CLYBL: variants seen among roughly 807,000 people sequenced by gnomAD.
The protein encoded by CLYBL is citramalyl-CoA lyase, mitochondrial.
A neutral mutation model predicts 38.9 loss-of-function variants in CLYBL; 31 were observed. The observed-to-expected ratio is 0.80, with a 90% CI of 0.60 to 1.08. The LOEUF is 1.08. Ranked by LOEUF, CLYBL falls within the 50% of genes least tolerant of loss-of-function variation. The pLI, the probability that CLYBL is intolerant of heterozygous loss-of-function variation, is 0.00. For missense variants in CLYBL, 434 were observed against 411.6 expected, an observed-to-expected ratio of 1.05 and a Z score of -0.47; for synonymous variants, 171 against 158.6, an observed-to-expected ratio of 1.08 and a Z score of -0.59.
chr13:99,866,530 T>C, intron 6 of CLYBL, 123 bp downstream of exon 6: 1 of 765,026 alleles, frequency 1.3e-6, no homozygotes, highest in East Asian at 2.9e-5. Context: ...CTATTTGAAA[T>C]ATGAGCAAGT....
chr13:99,872,578 C>A (rs1014687474), intron 7 of CLYBL, among the ~76,000 whole-genome samples: 1 of 152,162 alleles, frequency 6.6e-6, no homozygotes, highest in Non-Finnish European at 1.5e-5. Context: ...ACAGGCATGT[C>A]ATAAACACCT....
At chr13:99,688,924 G>A (rs1341399) in intron 1 of CLYBL, among the ~76,000 whole-genome samples, 117,043 of 152,148 alleles carry the variant, frequency 0.77, 45,346 homozygotes, top group Middle Eastern at 0.83. Context: ...ACTCAGCACC[G>A]TCATTCATCC....
At chr13:99,758,061 T>A (rs1566314810) in intron 1 of CLYBL, among the ~76,000 whole-genome samples, 1 of 152,178 alleles carries the variant, frequency 6.6e-6, no homozygotes, top group Admixed American at 6.5e-5. Context: ...CAGCAACAGC[T>A]CACTTAAGTG....
downstream of CLYBL, among the ~76,000 whole-genome samples, chr13:99,898,400 C>T (rs958434933): frequency 1.3e-5 from 2 of 152,156 alleles, no homozygotes; most frequent in African/African-American, 4.8e-5. Flanking sequence ...AAAGGAAGAA[C>T]GTAAAAACCA....
chr13:99,755,138 C>T (rs2049038945), intron 1 of CLYBL, among the ~76,000 whole-genome samples: 1 of 152,084 alleles, frequency 6.6e-6, no homozygotes, highest in Non-Finnish European at 1.5e-5. Context: ...ACCTCGTGAT[C>T]CGCCCGCCTC....
At chr13:99,904,766 GAAGGCA>G (rs1217378756) in intron 8 of CLYBL, among the ~76,000 whole-genome samples, 1 of 152,196 alleles carries the variant, frequency 6.6e-6, no homozygotes, top group African/African-American at 2.4e-5. Context: ...TTATGAAAAT[GAAGGCA>G]AAGACGTCAA....
intron 1 of CLYBL, among the ~76,000 whole-genome samples, chr13:99,668,300 C>G (rs367599377): frequency 2.1e-5 from 3 of 146,012 alleles, no homozygotes; most frequent in Non-Finnish European, 3.0e-5. Context: ...TAATAGAACA[C>G]TGGCGGCCGG....
intron 1 of CLYBL, among the ~76,000 whole-genome samples, chr13:99,750,399 G>C (rs1161192009): frequency 6.6e-6 from 1 of 152,144 alleles, no homozygotes; most frequent in East Asian, 1.9e-4. Context: ...GAAATTTACT[G>C]ATGGCCAGGC....
intron 1 of CLYBL, among the ~76,000 whole-genome samples, chr13:99,610,220 A>G (rs1811842007): frequency 6.6e-6 from 1 of 152,222 alleles, no homozygotes; most frequent in Admixed American, 6.5e-5. Flanking sequence ...TTCTTTATGC[A>G]TAGTTTCCTT....
intron 2 of CLYBL, among the ~76,000 whole-genome samples, chr13:99,777,836 C>T (rs1044022040): frequency 5.3e-5 from 8 of 152,142 alleles, no homozygotes; most frequent in African/African-American, 1.4e-4. Flanking sequence ...CATACCTTAT[C>T]CCATTTACAT....
intron 2 of CLYBL, among the ~76,000 whole-genome samples, chr13:99,809,921 G>A (rs191136366): frequency 3.7e-4 from 57 of 152,342 alleles, no homozygotes; most frequent in Middle Eastern, 6.8e-3. Context: ...CCAGGGAATG[G>A]GGACATCAGC....
intron 2 of CLYBL, among the ~76,000 whole-genome samples, chr13:99,829,536 G>GT (rs368835869): frequency 6.9e-4 from 105 of 152,212 alleles, no homozygotes; most frequent in African/African-American, 2.4e-3. Context: ...AAGCAGGGTT[G>GT]TTGTTGTTGT....
intron 2 of CLYBL, among the ~76,000 whole-genome samples, chr13:99,845,813 A>G (rs2051190585): frequency 6.6e-6 from 1 of 152,086 alleles, no homozygotes; most frequent in Non-Finnish European, 1.5e-5. Flanking sequence ...TGCCTTTTTT[A>G]AAAAATTAAG....
intron 1 of CLYBL, among the ~76,000 whole-genome samples, chr13:99,745,899 A>AG (rs2048842046): frequency 6.6e-6 from 1 of 151,518 alleles, no homozygotes; most frequent in African/African-American, 2.4e-5. Flanking sequence ...AAAAAAAAAA[A>AG]GTCAAAATTC....
chr13:99,612,977 T>C lies in CLYBL; in HGVS notation c.62+6220T>C, dbSNP rs1452104027. On this transcript the variant is annotated intron_variant, in intron 1 of 8. Transcript: ENST00000339105. ...TTTCAGTGAGCTGTGATGATACCAC[T>C]GCACTCCAGCCTGGGTGACAGAGCA... 2.0e-5 allele frequency among the ~76,000 whole-genome samples: 3 copies of C among 151,610 alleles called. No individual in the cohort carries two copies. In the East Asian group the frequency reaches 5.8e-4, roughly 29 times the overall value.
intron 1 of CLYBL, among the ~76,000 whole-genome samples, chr13:99,626,461 G>A (rs2046871126): frequency 6.6e-6 from 1 of 152,190 alleles, no homozygotes; most frequent in Non-Finnish European, 1.5e-5. Flanking sequence ...CATCAAGTTA[G>A]CCTTTCAGTC....
downstream of CLYBL, among the ~76,000 whole-genome samples, chr13:99,899,657 C>T (rs1301047511): frequency 2.0e-5 from 3 of 152,034 alleles, no homozygotes; most frequent in Non-Finnish European, 4.4e-5. Context: ...AATTGTAAAT[C>T]TTGTTTCTTA....
chr13:99,836,889 G>C (rs974955510), intron 2 of CLYBL, among the ~76,000 whole-genome samples: 1 of 151,970 alleles, frequency 6.6e-6, no homozygotes, highest in Non-Finnish European at 1.5e-5. Flanking sequence ...GGGGACTGTT[G>C]TGGGGTGGGG....
chr13:99,714,916 T>G (rs1284986050), intron 1 of CLYBL, among the ~76,000 whole-genome samples: 4 of 152,046 alleles, frequency 2.6e-5, no homozygotes, highest in African/African-American at 9.7e-5. Flanking sequence ...ACCACTATAC[T>G]CTAGCCTGGG....
Sources: gnomAD v4.1 joint callset for allele counts (sites outside exome capture counted in the v4.1 genomes callset) on GRCh38, gnomAD v4.1.1 for gene constraint, MANE v1.5 for transcripts, NCBI Gene and HGNC (gene_info 2026-07-23, HGNC 2026-07-21) for gene names.